STX5: variants seen among roughly 807,000 people sequenced by gnomAD.
The protein encoded by STX5 is syntaxin-5.
STX5 carries 15 observed loss-of-function variants against 42.9 expected under a neutral mutation model. The ratio of observed to expected loss-of-function variants is 0.35; its 90% confidence interval spans 0.23 to 0.54. The LOEUF (loss-of-function observed/expected upper bound fraction) is 0.54. STX5 is among the 20% of genes least tolerant of loss of function. STX5 has a pLI of 0.91. For missense variants in STX5, 430 were observed against 455.0 expected (o/e 0.95, Z 0.50); for synonymous variants, 184 against 173.2 (o/e 1.06, Z -0.49).
intron 2 of STX5, chr11:62,830,623 A>G (rs1462151430): frequency 6.6e-6 from 3 of 455,392 alleles, no homozygotes; most frequent in Non-Finnish European, 1.3e-5. Flanking sequence ...CTAATATGTA[A>G]CTAGATTAAC....
intron 3 of STX5, 70 bp downstream of exon 3, chr11:62,827,491 G>C: frequency 6.2e-7 from 1 of 1,612,702 alleles, no homozygotes; most frequent in South Asian, 1.1e-5. Flanking sequence ...TCACAGCCAA[G>C]GCCACTGATT....
At chr11:62,820,892 C>A (rs2084733376) in intron 10 of STX5, among the ~76,000 whole-genome samples, 1 of 152,136 alleles carries the variant, frequency 6.6e-6, no homozygotes, top group South Asian at 2.1e-4. Context: ...AATTCTATTT[C>A]CATTTCAATT....
intron 10 of STX5, among the ~76,000 whole-genome samples, chr11:62,818,581 A>AC (rs1413986900): frequency 6.8e-6 from 1 of 147,776 alleles, no homozygotes; most frequent in South Asian, 2.1e-4. Flanking sequence ...AAAAAAAAAA[A>AC]GAATAAATCT....
Position 62,825,674 on chromosome 11 carries a change from A to G in STX5, c.424-135T>C, listed in dbSNP as rs2084788243. Reference sequence around the variant, plus strand: ...GAGTGAGAGTATCTCAGACAGTCAGACCAGATGGGCCTGCTAGGATTTTCC... The same window carrying G: ...GAGTGAGAGTATCTCAGACAGTCAGGCCAGATGGGCCTGCTAGGATTTTCC... On this transcript the variant is annotated intron_variant, in intron 5 of 10. Transcript: ENST00000294179. 5.1e-6 allele frequency: 4 copies of G among 789,246 alleles called. No homozygotes were observed. In the East Asian group the frequency reaches 9.9e-5, roughly 20 times the overall value. The allele number at this position is 789,246 out of a possible 1,614,324, so 48.9% of individuals were successfully genotyped here.
chr11:62,824,351 A>C (rs918095190), intron 9 of STX5, 64 bp from the exon 10 acceptor site: 1 of 1,612,744 alleles, frequency 6.2e-7, no homozygotes. Flanking sequence ...CTGCATTTTT[A>C]CAACCCTCCC....
Position 62,830,896 on chromosome 11 carries a change from C to T in STX5, c.225+123G>A. The T allele has an allele frequency of 4.3e-6, 4 of 922,800 alleles. No individual in the cohort carries two copies. The South Asian group carries it at 5.7e-5, about 13-fold the overall frequency. The allele number at this position is 922,800 out of a possible 1,614,324, so 57.2% of individuals were successfully genotyped here. A position where few individuals can be genotyped will look rare whatever the true frequency, so the allele number is the denominator to read the frequency against. On this transcript the variant is annotated intron_variant, in intron 2 of 10. Coordinates refer to ENST00000294179, the MANE Select transcript of STX5 (RefSeq NM_003164.5). ...TGCTTATAGCAGACCCTACAGGCCC[C>T]ATCCAAGCCTATCAGTTCCATCAGG...
intron 10 of STX5, among the ~76,000 whole-genome samples, chr11:62,813,677 A>C (rs1488098277): frequency 1.3e-5 from 2 of 152,156 alleles, no homozygotes; most frequent in Non-Finnish European, 2.9e-5. Flanking sequence ...TCAGGGTTGG[A>C]CCCTGCTAAA....
Position 62,824,152 on chromosome 11 carries a change from A to G in STX5, c.908+14T>C. On this transcript the variant is annotated intron_variant, in intron 10 of 10. Transcript: ENST00000294179. ...AGAAAGCTCCTCTGTTTGGGGCGAG[A>G]GAGTGTATCTCACCTCTGAATGGTT... The G allele has an allele frequency of 1.2e-6, 2 of 1,614,218 alleles. No homozygotes were observed. The highest frequency in any genetic ancestry group is 1.7e-6 in the Non-Finnish European group (2 of 1,180,038).
At chr11:62,815,165 G>A (rs547010569) in intron 10 of STX5, among the ~76,000 whole-genome samples, 5 of 151,726 alleles carry the variant, frequency 3.3e-5, no homozygotes, top group South Asian at 2.1e-4. Context: ...GCAGCACCAC[G>A]CCCAGTTAAT....
At chr11:62,824,961 G>T in intron 8 of STX5, 75 bp downstream of exon 8, 1 of 1,465,122 alleles carries the variant, frequency 6.8e-7, no homozygotes, top group Non-Finnish European at 9.5e-7. Flanking sequence ...CCCAACCCGT[G>T]CCTTTAGAGG....
At chr11:62,819,553 T>G (rs1331617460) in intron 10 of STX5, among the ~76,000 whole-genome samples, 1 of 152,006 alleles carries the variant, frequency 6.6e-6, no homozygotes, top group Non-Finnish European at 1.5e-5. Context: ...AGGGTGTTGC[T>G]GTCACCCAGG....
At chr11:62,827,097 A>T in intron 5 of STX5, 58 bp downstream of exon 5, 1 of 1,531,448 alleles carries the variant, frequency 6.5e-7, no homozygotes, top group Non-Finnish European at 9.0e-7. Flanking sequence ...GGAAAATGAC[A>T]GGAAGACAGA....
intron 10 of STX5, among the ~76,000 whole-genome samples, chr11:62,819,790 T>G (rs1042985891): frequency 4.0e-4 from 61 of 151,708 alleles, no homozygotes; most frequent in Admixed American, 7.9e-4. Flanking sequence ...GCCTCTAAGG[T>G]TAAAGTGATT....
At chr11:62,812,071 AC>A (rs1271587206) in intron 10 of STX5, among the ~76,000 whole-genome samples, 1 of 129,908 alleles carries the variant, frequency 7.7e-6, no homozygotes, top group African/African-American at 2.8e-5. Context: ...GAACTCAAAT[AC>A]CTTTTTTTTT....
At chr11:62,822,377 T>C (rs2084749441) in intron 10 of STX5, among the ~76,000 whole-genome samples, 1 of 152,016 alleles carries the variant, frequency 6.6e-6, no homozygotes, top group African/African-American at 2.4e-5. Flanking sequence ...ACAGAAAAAC[T>C]AACCCCTGCA....
At position 62,831,044 on chromosome 11, in the gene STX5, G is replaced by T; in HGVS notation, c.200C>A (p.Ala67Asp). 6.4e-7 allele frequency: 1 copy of T among 1,554,258 alleles called. No homozygotes were observed. The change falls in exon 2 of 11, where the codon GCC becomes GAC. Residue 67 changes from alanine (A) to aspartate (D), a missense_variant. Coordinates refer to ENST00000294179, the MANE Select transcript of STX5 (RefSeq NM_003164.5). ...CRDRTQEFLS[A>D]CKSLQTRQNG... ...CTGACGGGTCTGCAGCGACTTGCAG[G>T]CAGACAGAAACTCCTGGGTCCGATC...
At chr11:62,812,380 C>CT (rs1350229253) in intron 10 of STX5, among the ~76,000 whole-genome samples, 2 of 151,702 alleles carry the variant, frequency 1.3e-5, no homozygotes, top group Non-Finnish European at 2.9e-5. Context: ...CCTGGCCCTC[C>CT]ATATCTTTTA....
intron 2 of STX5, among the ~76,000 whole-genome samples, chr11:62,828,313 A>C (rs1159089150): frequency 1.3e-5 from 2 of 152,060 alleles, no homozygotes; most frequent in Admixed American, 1.3e-4. Context: ...GGGTCTTGCT[A>C]TATTGCCCAG....
intron 10 of STX5, among the ~76,000 whole-genome samples, chr11:62,813,967 T>C (rs1241929073): frequency 6.6e-6 from 1 of 152,188 alleles, no homozygotes; most frequent in Non-Finnish European, 1.5e-5. Context: ...CATTTTTAAA[T>C]TTATCCGTTG....
Sources: allele counts gnomAD v4.1 joint callset (sites outside exome capture counted in the v4.1 genomes callset), GRCh38; gene constraint gnomAD v4.1.1; transcripts MANE v1.5; gene names NCBI Gene and HGNC (gene_info 2026-07-23, HGNC 2026-07-21).